The following RGL1 variants were observed in gnomAD, a reference collection of about 807,000 sequenced individuals.
The protein encoded by RGL1 is ral guanine nucleotide dissociation stimulator like 1, also known as ral guanine nucleotide dissociation stimulator-like 1.
In RGL1, 24 loss-of-function variants were observed where a neutral mutation model predicts 95.2. The ratio of observed to expected loss-of-function variants is 0.25; its 90% CI spans 0.18 to 0.35. The LOEUF (loss-of-function observed/expected upper bound fraction) is 0.35. RGL1 is among the 10% of genes least tolerant of loss of function. The probability of loss-of-function intolerance (pLI) is 1.00; values close to 1 mark genes in which losing one functional copy is unlikely to be tolerated. For synonymous variants in RGL1, 329 were observed against 344.9 expected, an observed-to-expected ratio of 0.95 and a Z score of 0.51; for missense variants, 715 against 936.3, an observed-to-expected ratio of 0.76 and a Z score of 3.08.
chr1:183,698,895 T>C (rs6424903), intron 1 of RGL1, among the ~76,000 whole-genome samples: 99,324 of 151,878 alleles, frequency 0.65, 32,685 homozygotes, highest in East Asian at 0.79. Flanking sequence ...CATTTAAATA[T>C]CTCCCTCTGT....
intron 9 of RGL1, among the ~76,000 whole-genome samples, chr1:183,893,275 T>A (rs1351312540): frequency 2.0e-5 from 3 of 152,206 alleles, no homozygotes; most frequent in Non-Finnish European, 4.4e-5. Flanking sequence ...AGTCCTGAAC[T>A]GGGCAATCAA....
chr1:183,927,958 C>T lies in RGL1; in HGVS notation c.*1666C>T, dbSNP rs1669707493. The T allele has an allele frequency of 6.6e-6, 1 of 152,458 alleles. No homozygotes were observed. The highest frequency in any genetic ancestry group is 2.1e-4 in the South Asian group (1 of 4,816). 9.4% of individuals were successfully genotyped at this position (152,458 alleles called of 1,614,324 possible). On this transcript the variant is annotated 3_prime_UTR_variant, in exon 18 of 18. Coordinates refer to ENST00000360851, the MANE Select transcript of RGL1 (RefSeq NM_001297671.3). ...TGGACCGAAGAACGGGCCAGGAAGT[C>T]CTCCAATTTCCTTTGGTCTTTCCAG...
intron 2 of RGL1, among the ~76,000 whole-genome samples, chr1:183,791,504 T>C (rs1660439369): frequency 6.6e-6 from 1 of 152,232 alleles, no homozygotes; most frequent in African/African-American, 2.4e-5. Context: ...AAGACAAATA[T>C]TTCTGGGAAA....
chr1:183,834,340 T>C (rs959934459), intron 2 of RGL1, among the ~76,000 whole-genome samples: 2 of 152,136 alleles, frequency 1.3e-5, no homozygotes, highest in African/African-American at 4.8e-5. Flanking sequence ...GATAATTAAT[T>C]GAACTGGAAC....
At chr1:183,900,811 A>G (rs546233085) in intron 11 of RGL1, among the ~76,000 whole-genome samples, 4 of 151,650 alleles carry the variant, frequency 2.6e-5, no homozygotes, top group East Asian at 2.0e-4. Flanking sequence ...CCGGCCCACA[A>G]TGAACTCTTA....
chr1:183,688,456 A>AAG (rs57516940), intron 1 of RGL1, among the ~76,000 whole-genome samples: 19,236 of 150,016 alleles, frequency 0.13, 1,699 homozygotes, highest in African/African-American at 0.25. Context: ...GGATCTACTG[A>AAG]AGAGAGAGAG....
intron 1 of RGL1, among the ~76,000 whole-genome samples, chr1:183,665,175 A>G (rs1406859344): frequency 4.6e-5 from 7 of 152,142 alleles, no homozygotes; most frequent in Admixed American, 1.3e-4. Flanking sequence ...TTAGCCTGTT[A>G]ATGTGATGGA....
chr1:183,747,543 G>A (rs1288479517), intron 2 of RGL1, among the ~76,000 whole-genome samples: 2 of 152,124 alleles, frequency 1.3e-5, no homozygotes, highest in Non-Finnish European at 2.9e-5. Flanking sequence ...TTAGACCTTT[G>A]TCAGACGGAG....
chr1:183,755,523 A>G (rs1011090862), intron 2 of RGL1, among the ~76,000 whole-genome samples: 3 of 152,302 alleles, frequency 2.0e-5, no homozygotes, highest in Admixed American at 1.3e-4. Flanking sequence ...CCTTTTTAAA[A>G]AAAAAGAGCA....
intron 1 of RGL1, among the ~76,000 whole-genome samples, chr1:183,637,719 A>T (rs1649646231): frequency 6.6e-6 from 1 of 152,178 alleles, no homozygotes; most frequent in African/African-American, 2.4e-5. Context: ...TGATAGAAGT[A>T]ACATTGTTTA....
At chr1:183,838,536 G>A (rs1658627174) in intron 2 of RGL1, among the ~76,000 whole-genome samples, 1 of 152,202 alleles carries the variant, frequency 6.6e-6, no homozygotes, top group African/African-American at 2.4e-5. Flanking sequence ...CAACTCTTGG[G>A]GCTCGTGTAG....
intron 15 of RGL1, among the ~76,000 whole-genome samples, chr1:183,915,015 A>G (rs1298963569): frequency 6.6e-6 from 1 of 152,222 alleles, no homozygotes; most frequent in African/African-American, 2.4e-5. Flanking sequence ...CCCAAAAACC[A>G]AAACAAAAAC....
intron 2 of RGL1, among the ~76,000 whole-genome samples, chr1:183,781,891 C>A (rs753359176): frequency 4.6e-5 from 7 of 151,988 alleles, no homozygotes; most frequent in Non-Finnish European, 8.8e-5. Context: ...AAGGTTATGC[C>A]CATTTGCACT....
At chr1:183,783,170 C>A (rs912752105) in intron 2 of RGL1, among the ~76,000 whole-genome samples, 6 of 151,694 alleles carry the variant, frequency 4.0e-5, no homozygotes, top group African/African-American at 1.5e-4. Context: ...TGAATTTATT[C>A]CAGCTCCGTT....
intron 2 of RGL1, among the ~76,000 whole-genome samples, chr1:183,846,540 T>A (rs7544447): frequency 0.41 from 60,954 of 149,772 alleles, 12,491 homozygotes; most frequent in Non-Finnish European, 0.46. Context: ...AGTATAATTT[T>A]TAAAAAAAAA....
chr1:183,903,500 G>A (rs1328204702), intron 12 of RGL1, among the ~76,000 whole-genome samples: 1 of 152,156 alleles, frequency 6.6e-6, no homozygotes, highest in African/African-American at 2.4e-5. Flanking sequence ...TCACCCTGTA[G>A]TACTCTCGTT....
rs905270206 is a variant in RGL1, at chr1:183,859,563, A to T, written c.348-6433A>T. Among the ~76,000 whole-genome samples, 6 of 152,166 alleles carry T rather than the reference A, an allele frequency of 3.9e-5. No individual in the cohort carries two copies. The South Asian group carries it at 1.2e-3, about 32-fold the overall frequency. On this transcript the variant is annotated intron_variant, in intron 3 of 17. Coordinates refer to ENST00000360851, the MANE Select transcript of RGL1 (RefSeq NM_001297671.3). ...CTTAAGTGTCAGGGACTTAGTATGG[A>T]GATATGTGGACAATGAAAGAACAAG...
At chr1:183,838,907 T>C (rs773126994) in intron 2 of RGL1, among the ~76,000 whole-genome samples, 2 of 152,000 alleles carry the variant, frequency 1.3e-5, no homozygotes, top group Non-Finnish European at 2.9e-5. Context: ...AGGTGAGGAG[T>C]GTGCACATTT....
chr1:183,698,877 T>C (rs1156834512), intron 1 of RGL1, among the ~76,000 whole-genome samples: 2 of 152,234 alleles, frequency 1.3e-5, no homozygotes, highest in Non-Finnish European at 2.9e-5. Flanking sequence ...TCATGGTATG[T>C]TCAAAGTCAT....
Sources: allele counts gnomAD v4.1 joint callset (sites outside exome capture counted in the v4.1 genomes callset), GRCh38; gene constraint gnomAD v4.1.1; transcripts MANE v1.5; gene names NCBI Gene and HGNC (gene_info 2026-07-23, HGNC 2026-07-21).